The following FBXO11 variants were observed in gnomAD, a reference collection of about 807,000 sequenced individuals.
FBXO11 encodes F-box only protein 11.
FBXO11 carries 13 observed loss-of-function variants against 117.0 expected under a neutral mutation model. The ratio of observed to expected loss-of-function variants is 0.11; its 90% CI spans 0.07 to 0.18. The LOEUF (loss-of-function observed/expected upper bound fraction) is 0.18. Ranked by LOEUF, FBXO11 falls within the 10% of genes least tolerant of loss-of-function variation. FBXO11 has a pLI of 1.00. For synonymous variants in FBXO11, 490 were observed against 380.5 expected (o/e 1.29, Z -3.35); for missense variants, 767 against 1,164.4 (o/e 0.66, Z 4.97).
intron 1 of FBXO11, among the ~76,000 whole-genome samples, chr2:47,841,472 C>T (rs1673006396): frequency 6.6e-6 from 1 of 152,106 alleles, no homozygotes; most frequent in African/African-American, 2.4e-5. Flanking sequence ...TATACCACTA[C>T]CTATAAAGTC....
intron 1 of FBXO11, among the ~76,000 whole-genome samples, chr2:47,841,145 C>T (rs1396887190): frequency 1.3e-5 from 2 of 152,152 alleles, no homozygotes; most frequent in East Asian, 1.9e-4. Context: ...TTGCAGTGAG[C>T]CGAGATCATG....
intron 10 of FBXO11, 28 bp from the exon 11 acceptor site, chr2:47,832,514 C>G (rs1327869633): frequency 1.2e-6 from 2 of 1,609,708 alleles, no homozygotes; most frequent in South Asian, 2.2e-5. Context: ...AAACAAACAT[C>G]AGTAGAGCTT....
At chr2:47,857,832 C>T (rs1045161156) in intron 1 of FBXO11, among the ~76,000 whole-genome samples, 115 of 152,074 alleles carry the variant, frequency 7.6e-4, no homozygotes, top group African/African-American at 2.8e-3. Flanking sequence ...CTGTTTCTTA[C>T]CATCAAAATT....
At position 47,818,873 on chromosome 2, in the gene FBXO11, T is replaced by TAAAC; in HGVS notation, c.1921-10_1921-9insGTTT. 7.1e-7 allele frequency: 1 copy of TAAAC among 1,417,886 alleles called. No individual in the cohort carries two copies. Among genetic ancestry groups the TAAAC allele is most frequent in the Non-Finnish European group, 9.6e-7 (1 of 1,046,282 alleles). The allele number at this position is 1,417,886 out of a possible 1,614,324, so 87.8% of individuals were successfully genotyped here. ...TAAAAATAAACACCAACCTAAAATT[T>TAAAC]AAAAAAAAAAAAAAAGCTTTTTCAA... On this transcript the variant is annotated splice_polypyrimidine_tract_variant and intron_variant, in intron 15 of 22. Transcript: ENST00000403359.
chr2:47,822,211 C>T lies in FBXO11; in HGVS notation c.1702+7G>A, dbSNP rs201603297. 3.0e-5 allele frequency: 47 copies of T among 1,567,490 alleles called. No homozygotes were observed. Among genetic ancestry groups the T allele is most frequent in the East Asian group, 2.5e-4 (11 of 44,048 alleles). On this transcript the variant is annotated splice_region_variant and intron_variant, in intron 13 of 22. Transcript: ENST00000403359. Reference sequence around the variant, plus strand: ...ATAAGTTTTATAGAACAAAACCATACGCTTACCATAAATGTCATTTCCTTC... The same window carrying T: ...ATAAGTTTTATAGAACAAAACCATATGCTTACCATAAATGTCATTTCCTTC...
At chr2:47,844,194 TTC>T (rs1009763293) in intron 1 of FBXO11, among the ~76,000 whole-genome samples, 1 of 152,238 alleles carries the variant, frequency 6.6e-6, no homozygotes, top group Non-Finnish European at 1.5e-5. Flanking sequence ...GTTTTACTGT[TTC>T]TTTTTCACAC....
chr2:47,838,061 CAA>C (rs11286219), intron 4 of FBXO11, among the ~76,000 whole-genome samples: 10,735 of 104,534 alleles, frequency 0.1, 463 homozygotes, highest in Non-Finnish European at 0.12. Flanking sequence ...CCCTTTGTCT[CAA>C]AAAAAAAAAA....
rs191217715 is a variant in FBXO11 at position 47,832,948 on chromosome 2, T to C, written c.1041+16A>G. On this transcript the variant is annotated intron_variant, in intron 8 of 22. Coordinates refer to ENST00000403359, the MANE Select transcript of FBXO11 (RefSeq NM_001190274.2). Reference sequence around the variant, plus strand: ...TTATGATTTCAATGTGTATTTTAAATCTTAACATGTCTTACCCTTATTGTC... The same window carrying C: ...TTATGATTTCAATGTGTATTTTAAACCTTAACATGTCTTACCCTTATTGTC... 4,665 of 1,604,870 alleles carry C rather than the reference T, an allele frequency of 2.9e-3. 15 individuals are homozygous for C. Among genetic ancestry groups the C allele is most frequent in the South Asian group, 4.2e-3 (381 of 90,882 alleles).
chr2:47,807,286 T>TTA lies in FBXO11; in HGVS notation c.*831_*832insTA. 1 of 219,720 alleles carries TTA rather than the reference T, an allele frequency of 4.6e-6. No individual in the cohort carries two copies. Among genetic ancestry groups the TTA allele is most frequent in the Non-Finnish European group, 9.1e-6 (1 of 109,418 alleles). 13.6% of individuals were successfully genotyped at this position (219,720 alleles called of 1,614,324 possible). ...TTGAAGAGACTTTCTAAAGTGTACT[T>TTA]AAAACATAGTAGTTTTTTACCTTTC... On this transcript the variant is annotated 3_prime_UTR_variant, in exon 23 of 23. Coordinates refer to ENST00000403359, the MANE Select transcript of FBXO11 (RefSeq NM_001190274.2).
At chr2:47,845,377 T>C (rs1673326088) in intron 1 of FBXO11, among the ~76,000 whole-genome samples, 1 of 152,330 alleles carries the variant, frequency 6.6e-6, no homozygotes, top group Admixed American at 6.5e-5. Context: ...TCATGAGTTA[T>C]AAAATCACTG....
chr2:47,905,948 C>T lies in FBXO11; in HGVS notation c.-228G>A. The T allele has an allele frequency of 2.2e-6, 1 of 454,106 alleles. No individual in the cohort carries two copies. The highest frequency in any genetic ancestry group is 3.8e-6 in the Non-Finnish European group (1 of 265,042). 28.1% of individuals were successfully genotyped at this position (454,106 alleles called of 1,614,324 possible). The stretch of plus-strand genomic sequence containing the variant: ...AGCGAGGCCGGCCGGGAGGGCCTGA[C>T]GCACGGGGAAGGCCGAAGCCGCCGG... On this transcript the variant is annotated 5_prime_UTR_variant, in exon 1 of 23. Coordinates refer to ENST00000403359, the MANE Select transcript of FBXO11 (RefSeq NM_001190274.2).
At chr2:47,833,170 G>C (rs751101055) in intron 7 of FBXO11, 100 bp from the exon 8 acceptor site, 97 of 710,296 alleles carry the variant, frequency 1.4e-4, no homozygotes, top group Non-Finnish European at 2.1e-4. Flanking sequence ...GTACTGAGTA[G>C]TGGGACTAAT....
chr2:47,813,057 T>C, intron 18 of FBXO11, 177 bp downstream of exon 18: 1 of 660,216 alleles, frequency 1.5e-6, no homozygotes, highest in South Asian at 1.8e-5. Context: ...GGAAAAGTAT[T>C]GTAAACATTT....
intron 17 of FBXO11, 30 bp from the exon 18 acceptor site, chr2:47,813,407 A>G: frequency 9.4e-7 from 1 of 1,066,356 alleles, no homozygotes; most frequent in Non-Finnish European, 1.3e-6. Flanking sequence ...GGTTATCTAG[A>G]AGGTATATTT....
chr2:47,877,347 T>C (rs1031297117), intron 1 of FBXO11, among the ~76,000 whole-genome samples: 1 of 152,156 alleles, frequency 6.6e-6, no homozygotes, highest in African/African-American at 2.4e-5. Context: ...AGACTAAGGA[T>C]TCACTTGAAT....
At chr2:47,812,287 C>T (rs1213843445) in intron 18 of FBXO11, among the ~76,000 whole-genome samples, 2 of 152,166 alleles carry the variant, frequency 1.3e-5, no homozygotes, top group East Asian at 3.9e-4. Flanking sequence ...GTAGTTGGTA[C>T]AGAGGTGTTA....
At chr2:47,813,730 G>T in intron 17 of FBXO11, 61 bp downstream of exon 17, 1 of 1,415,832 alleles carries the variant, frequency 7.1e-7, no homozygotes, top group Non-Finnish European at 9.9e-7. Flanking sequence ...ACCGTGCCCG[G>T]CCTAGAAGGT....
intron 1 of FBXO11, among the ~76,000 whole-genome samples, chr2:47,904,247 A>C (rs150969896): frequency 0.012 from 1,890 of 152,286 alleles, 30 homozygotes; most frequent in African/African-American, 0.041. Context: ...GCCAACTAAA[A>C]CACGCAAAAT....
chr2:47,866,166 A>C (rs1209032688), intron 1 of FBXO11, among the ~76,000 whole-genome samples: 3 of 149,076 alleles, frequency 2.0e-5, no homozygotes, highest in African/African-American at 7.4e-5. Flanking sequence ...GGAACTCCTG[A>C]GCCCAGGAGT....
Sources: gnomAD v4.1 joint callset for allele counts (sites outside exome capture counted in the v4.1 genomes callset) on GRCh38, gnomAD v4.1.1 for gene constraint, MANE v1.5 for transcripts, NCBI Gene and HGNC (gene_info 2026-07-23, HGNC 2026-07-21) for gene names.